The following WDFY2 variants were observed in gnomAD, a reference collection of about 807,000 sequenced individuals.
WDFY2 encodes WD repeat and FYVE domain-containing protein 2.
A neutral mutation model predicts 56.4 loss-of-function variants in WDFY2; 36 were observed. That is an observed-to-expected ratio of 0.64 (90% confidence interval 0.49 to 0.84). The LOEUF (loss-of-function observed/expected upper bound fraction) is 0.84, where lower values mean the gene tolerates loss of function less well. Ranked by LOEUF, WDFY2 falls within the 40% of genes least tolerant of loss-of-function variation. The probability of loss-of-function intolerance (pLI) is 0.00; values close to 1 mark genes in which losing one functional copy is unlikely to be tolerated. For synonymous variants in WDFY2, 176 were observed against 183.7 expected, an observed-to-expected ratio of 0.96 and a Z score of 0.34; for missense variants, 444 against 512.2, an observed-to-expected ratio of 0.87 and a Z score of 1.29.
In WDFY2 at chr13:51,763,587, C is replaced by T. The variant is rs538947172; in HGVS notation, c.*3818C>T. The stretch of plus-strand genomic sequence containing the variant: ...GACAAGGTGGGAGGATTGCTGAGCC[C>T]AGGAGTTCAAGACCAGCCTGGGCCA... On this transcript the variant is annotated 3_prime_UTR_variant, in exon 12 of 12. Transcript: ENST00000298125. 6.6e-6 allele frequency: 1 copy of T among 152,334 alleles called. No homozygotes were observed. The highest frequency in any genetic ancestry group is 6.5e-5 in the Admixed American group (1 of 15,298). 9.4% of individuals were successfully genotyped at this position (152,334 alleles called of 1,614,324 possible). A position where few individuals can be genotyped will look rare whatever the true frequency, so the allele number is the denominator to read the frequency against.
intron 4 of WDFY2, among the ~76,000 whole-genome samples, chr13:51,712,276 A>G (rs1952238009): frequency 6.6e-6 from 1 of 152,142 alleles, no homozygotes; most frequent in Non-Finnish European, 1.5e-5. Context: ...GTTGAGGAAC[A>G]TCACACGCTG....
intron 1 of WDFY2, among the ~76,000 whole-genome samples, chr13:51,631,691 T>C (rs1954955759): frequency 6.6e-6 from 1 of 152,180 alleles, no homozygotes; most frequent in African/African-American, 2.4e-5. Context: ...CATTATGATT[T>C]CAACATTGAC....
intron 4 of WDFY2, among the ~76,000 whole-genome samples, chr13:51,712,542 C>G (rs1330840993): frequency 6.6e-6 from 1 of 151,828 alleles, no homozygotes; most frequent in African/African-American, 2.4e-5. Context: ...TATTAGAAAA[C>G]AAGAAGGGAC....
intron 1 of WDFY2, among the ~76,000 whole-genome samples, chr13:51,655,882 TGGTA>T (rs1260706615): frequency 1.3e-5 from 2 of 152,088 alleles, no homozygotes; most frequent in Non-Finnish European, 2.9e-5. Context: ...GAGTCAGTAT[TGGTA>T]GATTGTATGT....
intron 1 of WDFY2, among the ~76,000 whole-genome samples, chr13:51,654,133 C>T (rs1010422279): frequency 7.2e-5 from 11 of 152,214 alleles, no homozygotes; most frequent in African/African-American, 2.7e-4. Flanking sequence ...CTCGCTGCTG[C>T]CTTGCATTTT....
At chr13:51,735,483 G>A (rs1274873750) in intron 6 of WDFY2, among the ~76,000 whole-genome samples, 1 of 152,190 alleles carries the variant, frequency 6.6e-6, no homozygotes, top group Non-Finnish European at 1.5e-5. Flanking sequence ...AGTTACTTGG[G>A]TGATAAAAGG....
At chr13:51,737,580 A>AAAG (rs1952869858) in intron 6 of WDFY2, among the ~76,000 whole-genome samples, 1 of 149,936 alleles carries the variant, frequency 6.7e-6, no homozygotes, top group Admixed American at 6.7e-5. Context: ...AAAAAAAAAA[A>AAAG]AAGAATAATC....
At chr13:51,595,844 A>G (rs1954134298) in intron 1 of WDFY2, among the ~76,000 whole-genome samples, 1 of 152,218 alleles carries the variant, frequency 6.6e-6, no homozygotes, top group South Asian at 2.1e-4. Context: ...AAAGGTGGGT[A>G]TTGGTAAATT....
intron 1 of WDFY2, among the ~76,000 whole-genome samples, chr13:51,656,256 T>C (rs1955507978): frequency 1.3e-5 from 2 of 152,048 alleles, no homozygotes; most frequent in African/African-American, 4.8e-5. Flanking sequence ...GTGCTTTTGT[T>C]TTCATTCATC....
chr13:51,656,789 A>G (rs756546987), intron 1 of WDFY2, among the ~76,000 whole-genome samples: 1 of 151,970 alleles, frequency 6.6e-6, no homozygotes, highest in Non-Finnish European at 1.5e-5. Flanking sequence ...TGTTATCACT[A>G]TACCCACCTA....
chr13:51,642,041 T>C (rs1455189245), intron 1 of WDFY2, among the ~76,000 whole-genome samples: 4 of 152,080 alleles, frequency 2.6e-5, no homozygotes, highest in South Asian at 2.1e-4. Flanking sequence ...GTCTGAGATA[T>C]TATCTCTCAA....
intron 4 of WDFY2, among the ~76,000 whole-genome samples, chr13:51,714,534 C>G (rs1178140792): frequency 7.9e-5 from 12 of 152,104 alleles, no homozygotes; most frequent in Admixed American, 7.9e-4. Context: ...CTTAGGTGAT[C>G]CACCTGCCTC....
chr13:51,609,455 A>G (rs1954447736), intron 1 of WDFY2, among the ~76,000 whole-genome samples: 1 of 152,166 alleles, frequency 6.6e-6, no homozygotes, highest in Non-Finnish European at 1.5e-5. Context: ...AGATACAAGA[A>G]CTAAAAATAA....
chr13:51,649,543 TTAGGTATA>T (rs1373190860), intron 1 of WDFY2, among the ~76,000 whole-genome samples: 4 of 151,718 alleles, frequency 2.6e-5, no homozygotes, highest in Admixed American at 2.6e-4. Flanking sequence ...TAATTTAACA[TTAGGTATA>T]TCTCCTAATG....
chr13:51,615,625 G>T (rs1954596198), intron 1 of WDFY2, among the ~76,000 whole-genome samples: 1 of 152,132 alleles, frequency 6.6e-6, no homozygotes, highest in East Asian at 1.9e-4. Context: ...TAAAAATGTG[G>T]AATAAGCTGA....
intron 1 of WDFY2, among the ~76,000 whole-genome samples, chr13:51,597,597 G>A (rs1954176208): frequency 6.6e-6 from 1 of 152,170 alleles, no homozygotes; most frequent in Non-Finnish European, 1.5e-5. Flanking sequence ...TATGTATGTG[G>A]AAAAGTGAGG....
chr13:51,713,922 A>G (rs1952285033), intron 4 of WDFY2, among the ~76,000 whole-genome samples: 1 of 151,716 alleles, frequency 6.6e-6, no homozygotes, highest in African/African-American at 2.4e-5. Context: ...AATCAAATTC[A>G]TAGAGACAGA....
chr13:51,596,772 C>A (rs1223256500), intron 1 of WDFY2, among the ~76,000 whole-genome samples: 1 of 152,170 alleles, frequency 6.6e-6, no homozygotes, highest in Non-Finnish European at 1.5e-5. Flanking sequence ...GGACAAGGAT[C>A]TGAGGGGGTC....
rs1953675725 is a variant in WDFY2 at position 51,764,191 on chromosome 13, C to A, written c.*4422C>A. On this transcript the variant is annotated 3_prime_UTR_variant, in exon 12 of 12. Transcript: ENST00000298125. ...CATGTCAACCGTGTTGAGCGCTCACCAGCCACCAGGCTTTAGGCACTGGCA... is the reference window on the plus strand; with the variant it reads ...CATGTCAACCGTGTTGAGCGCTCACAAGCCACCAGGCTTTAGGCACTGGCA... 6.6e-6 allele frequency: 1 copy of A among 152,184 alleles called. No homozygotes were observed. The highest frequency in any genetic ancestry group is 2.4e-5 in the African/African-American group (1 of 41,438). 9.4% of individuals were successfully genotyped at this position (152,184 alleles called of 1,614,324 possible).
Sources: allele counts gnomAD v4.1 joint callset (sites outside exome capture counted in the v4.1 genomes callset), GRCh38; gene constraint gnomAD v4.1.1; transcripts MANE v1.5; gene names NCBI Gene and HGNC (gene_info 2026-07-23, HGNC 2026-07-21).